PCDHGA4: variants seen among roughly 807,000 people sequenced by gnomAD.
PCDHGA4 encodes protocadherin gamma subfamily A, 4, also known as protocadherin gamma-A4.
In PCDHGA4, 38 loss-of-function variants were observed where a neutral mutation model predicts 54.6. The ratio of observed to expected loss-of-function variants is 0.70; its 90% CI spans 0.54 to 0.91. The LOEUF is 0.91. PCDHGA4 is among the 40% of genes least tolerant of loss of function. The pLI, the probability that PCDHGA4 is intolerant of heterozygous loss-of-function variation, is 0.00. For synonymous variants in PCDHGA4, 511 were observed against 512.9 expected, an observed-to-expected ratio of 1.00 and a Z score of 0.05; for missense variants, 1,298 against 1,220.9, an observed-to-expected ratio of 1.06 and a Z score of -0.94.
chr5:141,359,782 C>A (rs1040736490), intron 1 of PCDHGA4, among the ~76,000 whole-genome samples: 1 of 152,116 alleles, frequency 6.6e-6, no homozygotes, highest in Non-Finnish European at 1.5e-5. Context: ...AGAACCTATG[C>A]TGAATGCATC....
rs767701229 is a variant in PCDHGA4, at chr5:141,405,417, T to TTTTTG, written c.2514+47811_2514+47815dup. 250 of 1,563,234 alleles carry TTTTTG rather than the reference T, an allele frequency of 1.6e-4. 1 individual carries two copies. Among genetic ancestry groups the TTTTTG allele is most frequent in the Admixed American group, 1.3e-4 (7 of 55,240 alleles). On this transcript the variant is annotated intron_variant, in intron 1 of 3. Coordinates refer to ENST00000571252, the MANE Select transcript of PCDHGA4 (RefSeq NM_018917.4). The stretch of plus-strand genomic sequence containing the variant: ...TTCTTTCTTTCTTTTCTTTTTTTGT[T>TTTTTG]TTTTGTTTTGTTTTGTTTTTGAGAC...
chr5:141,356,608 TC>T lies in PCDHGA4; in HGVS notation c.1503del (p.Ile502SerfsTer4). 6.2e-7 allele frequency: 1 copy of T among 1,614,146 alleles called. No homozygotes were observed. Among genetic ancestry groups the T allele is most frequent in the Non-Finnish European group, 8.5e-7 (1 of 1,180,018 alleles). Reference sequence around the variant, plus strand: ...TCCTGAAAACAACCCCAGAGGAGCCTCCATCTTATCTATGACTGCTCAAGAC... The same window carrying T: ...TCCTGAAAACAACCCCAGAGGAGCCTCATCTTATCTATGACTGCTCAAGAC... ...YIPENNPRGA[S>X]ILSMTAQDPD... On this transcript the variant is annotated frameshift_variant, in exon 1 of 4. Transcript: ENST00000571252. LOFTEE classifies it high-confidence loss of function.
In PCDHGA4 at chr5:141,435,189, G is replaced by A. The variant is rs569176993; in HGVS notation, c.2515-59618G>A. Among the ~76,000 whole-genome samples the A allele has an allele frequency of 5.3e-5, 8 of 152,166 alleles. No homozygotes were observed. The South Asian group carries it at 8.3e-4, about 16-fold the overall frequency. On this transcript the variant is annotated intron_variant, in intron 1 of 3. Coordinates refer to ENST00000571252, the MANE Select transcript of PCDHGA4 (RefSeq NM_018917.4). ...GTGGCTTTTAACTACACTTGAGATGGCTAGCAAATTCATAAAGTGAATTTA... is the reference window on the plus strand; with the variant it reads ...GTGGCTTTTAACTACACTTGAGATGACTAGCAAATTCATAAAGTGAATTTA...
intron 1 of PCDHGA4, among the ~76,000 whole-genome samples, chr5:141,466,909 ACTC>A (rs1249720055): frequency 6.6e-6 from 1 of 151,110 alleles, no homozygotes; most frequent in Non-Finnish European, 1.5e-5. Flanking sequence ...GTTTTTGAAA[ACTC>A]CTTGTATTAG....
intron 1 of PCDHGA4, chr5:141,403,617 G>C: frequency 6.2e-7 from 1 of 1,613,856 alleles, no homozygotes; most frequent in Non-Finnish European, 8.5e-7. Flanking sequence ...GAGCCGCGTC[G>C]CTCCAGCACA....
intron 1 of PCDHGA4, among the ~76,000 whole-genome samples, chr5:141,460,983 GTATATATATATA>G (rs59296681): frequency 7.3e-6 from 1 of 137,780 alleles, no homozygotes. Flanking sequence ...GTGTGTGTGT[GTATATATATATA>G]TGTGTATATA....
intron 1 of PCDHGA4, chr5:141,367,569 TAA>T (rs1765234769): frequency 6.6e-6 from 1 of 151,200 alleles, no homozygotes; most frequent in Middle Eastern, 3.4e-3. Context: ...AATAAATAAA[TAA>T]ATATCAGAAA....
chr5:141,473,004 AAAAG>A (rs1215989598), intron 1 of PCDHGA4, among the ~76,000 whole-genome samples: 5 of 151,730 alleles, frequency 3.3e-5, no homozygotes, highest in Non-Finnish European at 7.4e-5. Context: ...AAAAGAAAGA[AAAAG>A]AAAAAGAAAG....
In PCDHGA4 at chr5:141,485,076, G is replaced by A; in HGVS notation, c.2515-9731G>A. 2.1e-6 allele frequency: 2 copies of A among 944,586 alleles called. No homozygotes were observed. Among genetic ancestry groups the A allele is most frequent in the East Asian group, 2.4e-5 (1 of 41,508 alleles). The allele number at this position is 944,586 out of a possible 1,614,324, so 58.5% of individuals were successfully genotyped here. ...CCGAACCGCGCCAGAGCTGGCGCGG[G>A]GAAAGGGAGATAGGTGTCTCCAGCT... On this transcript the variant is annotated intron_variant, in intron 1 of 3. Coordinates refer to ENST00000571252, the MANE Select transcript of PCDHGA4 (RefSeq NM_018917.4). This position sits in a 1 kb window ranked among gnomAD's most constrained non-coding sequence, Gnocchi z 5.7.
At chr5:141,367,777 T>C (rs1765325375) in intron 1 of PCDHGA4, 1 of 152,150 alleles carries the variant, frequency 6.6e-6, no homozygotes, top group Non-Finnish European at 1.5e-5. Flanking sequence ...AATGTAAATA[T>C]GTCACACACC....
At chr5:141,394,769 C>T in intron 1 of PCDHGA4, 1 of 1,613,514 alleles carries the variant, frequency 6.2e-7, no homozygotes, top group Non-Finnish European at 8.5e-7. Flanking sequence ...ATGGCCAGCC[C>T]CCTCTCTCCG....
chr5:141,395,558 G>A (rs60237573), intron 1 of PCDHGA4: 1 of 127,936 alleles, frequency 7.8e-6, no homozygotes, highest in South Asian at 2.0e-4. Flanking sequence ...GTGTGTGTGT[G>A]TGTGTGTGTG....
At chr5:141,412,300 A>T (rs1422841541) in intron 1 of PCDHGA4, 2 of 152,248 alleles carry the variant, frequency 1.3e-5, no homozygotes, top group Non-Finnish European at 2.9e-5. Context: ...TTCTTTTCTC[A>T]TTACAATGCA....
chr5:141,388,913 A>C, intron 1 of PCDHGA4: 1 of 1,614,040 alleles, frequency 6.2e-7, no homozygotes, highest in Non-Finnish European at 8.5e-7. Flanking sequence ...ACAACGCCCC[A>C]GAAGTGATAT....
intron 1 of PCDHGA4, among the ~76,000 whole-genome samples, chr5:141,467,571 A>T (rs1228156610): frequency 6.6e-6 from 1 of 152,212 alleles, no homozygotes; most frequent in African/African-American, 2.4e-5. Context: ...ATGGCTATCC[A>T]GTTGTCCCAA....
intron 1 of PCDHGA4, chr5:141,375,369 C>T (rs759826011): frequency 6.2e-7 from 1 of 1,613,892 alleles, no homozygotes; most frequent in South Asian, 1.1e-5. Flanking sequence ...GACAAAGGAA[C>T]ACCACCTCTG....
intron 1 of PCDHGA4, among the ~76,000 whole-genome samples, chr5:141,457,477 C>A (rs964080100): frequency 2.0e-5 from 3 of 152,134 alleles, no homozygotes; most frequent in African/African-American, 7.2e-5. Context: ...TAAGCAGGGC[C>A]AGGGTTAGTC....
At chr5:141,406,650 C>T (rs2094835563) in intron 1 of PCDHGA4, among the ~76,000 whole-genome samples, 1 of 152,130 alleles carries the variant, frequency 6.6e-6, no homozygotes, top group Non-Finnish European at 1.5e-5. Context: ...TTTCCTAATG[C>T]TTTAATGTTA....
chr5:141,430,534 C>CT (rs962032641), intron 1 of PCDHGA4: 2 of 381,726 alleles, frequency 5.2e-6, no homozygotes, highest in Non-Finnish European at 9.2e-6. Context: ...GGTTAGGACT[C>CT]TGAGCGCCGC....
Sources: gnomAD v4.1 joint callset for allele counts (sites outside exome capture counted in the v4.1 genomes callset) on GRCh38, gnomAD v4.1.1 for gene constraint, Gnocchi (gnomAD v3.1) non-coding constraint, MANE v1.5 for transcripts, NCBI Gene and HGNC (gene_info 2026-07-23, HGNC 2026-07-21) for gene names.